Variants in DDX18 observed in about 807,000 individuals in gnomAD.
The protein encoded by DDX18 is DEAD-box helicase 18.
DDX18 carries 23 observed loss-of-function variants against 73.5 expected under a neutral mutation model. The ratio of observed to expected loss-of-function variants is 0.31; its 90% CI spans 0.23 to 0.44. The LOEUF is 0.44. Among genes scored for constraint, DDX18 ranks in the 20% least tolerant of loss-of-function variants. DDX18 has a pLI of 1.00. For missense variants in DDX18, 753 were observed against 792.9 expected (o/e 0.95, Z 0.60); for synonymous variants, 268 against 282.7 (o/e 0.95, Z 0.52).
intron 2 of DDX18, among the ~76,000 whole-genome samples, chr2:117,817,947 C>T (rs1573409088): frequency 6.6e-6 from 1 of 152,180 alleles, no homozygotes; most frequent in East Asian, 1.9e-4. Flanking sequence ...TTTAATTTCA[C>T]TAACCTTGAA....
intron 1 of DDX18, among the ~76,000 whole-genome samples, chr2:117,816,061 A>G (rs188956024): frequency 2.6e-5 from 4 of 152,348 alleles, no homozygotes; most frequent in African/African-American, 9.6e-5. Context: ...CAGTAAAAAG[A>G]CTATGACATG....
chr2:117,825,319 C>T (rs567796749), intron 9 of DDX18, 128 bp from the exon 10 acceptor site: 15 of 1,286,462 alleles, frequency 1.2e-5, no homozygotes, highest in Non-Finnish European at 1.5e-5. Flanking sequence ...GCTTGCGGAA[C>T]AGTTGGGGAA....
At position 117,830,619 on chromosome 2, in the gene DDX18, A is replaced by AGGTG; in HGVS notation, c.1910_1913dup (p.Gly639TrpfsTer13). 5 of 1,613,808 alleles carry AGGTG rather than the reference A, an allele frequency of 3.1e-6. No individual in the cohort carries two copies. Among genetic ancestry groups the AGGTG allele is most frequent in the Non-Finnish European group, 4.2e-6 (5 of 1,179,808 alleles). ...ATGAAGGCAAGCAGAAAAAGCGAGG[A>AGGTG]GGTGGTGGTGGATTTGGCTACCAGA... is the stretch of plus-strand genomic sequence containing the variant. On this transcript the variant is annotated frameshift_variant, in exon 14 of 14. Transcript: ENST00000263239. LOFTEE classifies it high-confidence loss of function.
intron 10 of DDX18, chr2:117,825,997 T>G: frequency 2.4e-6 from 1 of 422,596 alleles, no homozygotes. Context: ...AATACTCATT[T>G]TATTAGATCG....
Position 117,828,959 on chromosome 2 carries a change from G to A in DDX18, c.1646G>A (p.Ser549Asn). The A allele has an allele frequency of 1.2e-6, 2 of 1,609,660 alleles. No homozygotes were observed. Among genetic ancestry groups the A allele is most frequent in the Non-Finnish European group, 1.7e-6 (2 of 1,176,194 alleles). ...ACTTTTGATTTCTAGGTTCCATTAA[G>A]TGAATTTGACTTTTCCTGGTCTAAA... ...RYLKQSKVPL[S>N]EFDFSWSKIS... Residue 549 changes from serine to asparagine, a missense_variant, in exon 12 of 14, where the codon AGT becomes AAT. By Grantham distance (46) the Ser-to-Asn change is conservative. Around this residue, in one of 3 missense-constraint regions of DDX18, gnomAD observed 402 missense variants for 419.4 expected, o/e 0.96. Transcript: ENST00000263239.
chr2:117,820,810 A>C (rs1315367529), intron 3 of DDX18, among the ~76,000 whole-genome samples: 1 of 151,988 alleles, frequency 6.6e-6, no homozygotes, highest in Non-Finnish European at 1.5e-5. Flanking sequence ...ATTAATGCTC[A>C]ATGTTTTCAC....
chr2:117,817,788 CTCTT>C (rs1679784451), intron 2 of DDX18, 60 bp downstream of exon 2: 5 of 1,504,050 alleles, frequency 3.3e-6, no homozygotes, highest in East Asian at 4.5e-5. Flanking sequence ...GTTATTGTTC[CTCTT>C]TCTATTACTA....
In DDX18 at chr2:117,832,098, T is replaced by A. The variant is rs1160474154; in HGVS notation, c.*1374T>A. ...GAGCTCCTGGCTTAGCTTCTTGGGT[T>A]CCTAATTCCTGGTGTTTAATAATTC... On this transcript the variant is annotated 3_prime_UTR_variant, in exon 14 of 14. Transcript: ENST00000263239. 1 of 152,300 alleles carries A rather than the reference T, an allele frequency of 6.6e-6. No individual in the cohort carries two copies. Among genetic ancestry groups the A allele is most frequent in the African/African-American group, 2.4e-5 (1 of 41,438 alleles). The allele number at this position is 152,300 out of a possible 1,614,324, so 9.4% of individuals were successfully genotyped here. A position where few individuals can be genotyped will look rare whatever the true frequency, so the allele number is the denominator to read the frequency against.
rs1302325392 is a variant in DDX18 at position 117,831,524 on chromosome 2, C to G, written c.*800C>G. ...ATAACAAAGACTTTCATACAAAGAA[C>G]GATGATGCTCCTCATTAAGATTTGT... On this transcript the variant is annotated 3_prime_UTR_variant, in exon 14 of 14. Coordinates refer to ENST00000263239, the MANE Select transcript of DDX18 (RefSeq NM_006773.4). The G allele has an allele frequency of 6.6e-6, 1 of 152,074 alleles. No homozygotes were observed. The highest frequency in any genetic ancestry group is 1.5e-5 in the Non-Finnish European group (1 of 68,026). 9.4% of individuals were successfully genotyped at this position (152,074 alleles called of 1,614,324 possible).
Position 117,819,669 on chromosome 2 carries a change from G to C in DDX18, c.391G>C (p.Glu131Gln), listed in dbSNP as rs1255260982. 2 of 1,584,146 alleles carry C rather than the reference G, an allele frequency of 1.3e-6. No homozygotes were observed. The highest frequency in any genetic ancestry group is 1.4e-5 in the African/African-American group (1 of 72,758). Residue 131 changes from glutamate (E) to glutamine (Q), a missense_variant, in exon 3 of 14, where the codon GAA (glutamate) becomes CAA (glutamine). This residue lies in a region of DDX18 where 345 missense variants were observed against 352.0 expected (regional missense o/e 0.98). Transcript: ENST00000263239. ...AEPDTKKAKT[E>Q]NKGKSEEESA... ...CAAAGATACGAAAAAAGCAAAAACT[G>C]AAAACAAAGGGAAATCTGAAGAAGA... is the stretch of plus-strand genomic sequence containing the variant.
chr2:117,815,539 A>T (rs574056553), intron 1 of DDX18: 4 of 152,174 alleles, frequency 2.6e-5, no homozygotes, highest in African/African-American at 9.7e-5. Flanking sequence ...TTAAGATACA[A>T]ACTCCCCGAG....
chr2:117,816,249 A>G (rs1256598598), intron 1 of DDX18, among the ~76,000 whole-genome samples: 2 of 152,170 alleles, frequency 1.3e-5, no homozygotes, highest in Non-Finnish European at 2.9e-5. Flanking sequence ...GAGTTTTTTA[A>G]TACTTTTATT....
At chr2:117,822,117 A>G (rs1387310525) in intron 6 of DDX18, 30 bp from the exon 7 acceptor site, 2 of 1,612,756 alleles carry the variant, frequency 1.2e-6, no homozygotes, top group Non-Finnish European at 1.7e-6. Context: ...CTGACAACTA[A>G]TGGTTGTTCT....
At chr2:117,819,221 A>G (rs976549201) in intron 2 of DDX18, among the ~76,000 whole-genome samples, 4 of 152,188 alleles carry the variant, frequency 2.6e-5, no homozygotes, top group African/African-American at 9.7e-5. Flanking sequence ...GGCACAGTCC[A>G]GTGTATGTCA....
At chr2:117,815,937 C>T (rs1258964626) in intron 1 of DDX18, among the ~76,000 whole-genome samples, 1 of 152,108 alleles carries the variant, frequency 6.6e-6, no homozygotes, top group Non-Finnish European at 1.5e-5. Context: ...CATGATATAG[C>T]CTGTTGCTCG....
chr2:117,824,587 T>C lies in DDX18; in HGVS notation c.1085T>C (p.Leu362Pro). ...GTTTCAGCACGTAGACAGACTATGC[T>C]CTTTTCTGCCACCCAAACTCGAAAA... is the stretch of plus-strand genomic sequence containing the variant. ...KLLPTRRQTM[L>P]FSATQTRKVE... The change falls in exon 8 of 14, where the codon CTC becomes CCC. Residue 362 changes from leucine (L) to proline (P), a missense_variant. Transcript: ENST00000263239. 1.4e-6 allele frequency: 2 copies of C among 1,473,872 alleles called. No individual in the cohort carries two copies. Among genetic ancestry groups the C allele is most frequent in the Non-Finnish European group, 9.0e-7 (1 of 1,113,158 alleles). 91.3% of individuals were successfully genotyped at this position (1,473,872 alleles called of 1,614,324 possible).
Position 117,821,158 on chromosome 2 carries a change from T to A in DDX18, c.515-3T>A, listed in dbSNP as rs200433046. 1.3e-6 allele frequency: 2 copies of A among 1,567,334 alleles called. No homozygotes were observed. The highest frequency in any genetic ancestry group is 2.0e-5 in the Admixed American group (1 of 51,020). ...TGCTAATGATAAATTGTCTTCTGTT[T>A]AGGAGCTTTTGAGGATACTTCGTTT... is the stretch of plus-strand genomic sequence containing the variant. On this transcript the variant is annotated splice_region_variant and splice_polypyrimidine_tract_variant and intron_variant, in intron 3 of 13. Coordinates refer to ENST00000263239, the MANE Select transcript of DDX18 (RefSeq NM_006773.4).
chr2:117,814,729 T>C lies in DDX18; in HGVS notation c.-49T>C, dbSNP rs1373965493. On this transcript the variant is annotated 5_prime_UTR_variant, in exon 1 of 14. Transcript: ENST00000263239. ...AGGGAAGTAACGTCAGCCTGAGAAC[T>C]GAGTAGCTGTACTGTGTGGCGCCTT... 6.3e-7 allele frequency: 1 copy of C among 1,587,016 alleles called. No homozygotes were observed. Among genetic ancestry groups the C allele is most frequent in the African/African-American group, 1.3e-5 (1 of 74,376 alleles).
intron 3 of DDX18, among the ~76,000 whole-genome samples, chr2:117,820,571 T>A (rs1679829546): frequency 1.3e-5 from 2 of 152,224 alleles, no homozygotes; most frequent in African/African-American, 4.8e-5. Flanking sequence ...AAAGAATTAT[T>A]CAGCCCAGAT....
Sources: gnomAD v4.1 joint callset for allele counts (sites outside exome capture counted in the v4.1 genomes callset) on GRCh38, gnomAD v4.1.1 for gene constraint, gnomAD v4.1.1 regional missense constraint, MANE v1.5 for transcripts, NCBI Gene and HGNC (gene_info 2026-07-23, HGNC 2026-07-21) for gene names.